GRID2: variants seen among roughly 807,000 people sequenced by gnomAD.
The protein encoded by GRID2 is glutamate receptor ionotropic, delta-2.
A neutral mutation model predicts 114.8 loss-of-function variants in GRID2; 33 were observed. That is an observed-to-expected ratio of 0.29 (90% CI 0.22 to 0.38). The LOEUF is 0.38. Among genes scored for constraint, GRID2 ranks in the 10% least tolerant of loss-of-function variants. The probability of loss-of-function intolerance (pLI) is 1.00; values close to 1 mark genes in which losing one functional copy is unlikely to be tolerated. For missense variants in GRID2, 1,184 were observed against 1,257.7 expected, an observed-to-expected ratio of 0.94 and a Z score of 0.89; for synonymous variants, 505 against 449.9, an observed-to-expected ratio of 1.12 and a Z score of -1.55.
chr4:92,987,978 T>G (rs905365443), intron 2 of GRID2, among the ~76,000 whole-genome samples: 10 of 152,210 alleles, frequency 6.6e-5, no homozygotes, highest in Admixed American at 2.6e-4. Flanking sequence ...CATATTGTGT[T>G]ACAGACTTAA....
intron 2 of GRID2, among the ~76,000 whole-genome samples, chr4:92,667,714 C>A (rs536025890): frequency 1.1e-3 from 161 of 151,472 alleles, no homozygotes; most frequent in African/African-American, 3.7e-3. Flanking sequence ...AAAAAAAATA[C>A]CCCCTAGAGT....
intron 14 of GRID2, among the ~76,000 whole-genome samples, chr4:93,678,458 T>C (rs1725146569): frequency 2.7e-5 from 4 of 150,198 alleles, no homozygotes; most frequent in Non-Finnish European, 5.9e-5. Flanking sequence ...GAAGAGCAAC[T>C]CCAAGACACA....
At chr4:92,789,426 T>A (rs1208663628) in intron 2 of GRID2, among the ~76,000 whole-genome samples, 1 of 152,024 alleles carries the variant, frequency 6.6e-6, no homozygotes, top group Admixed American at 6.6e-5. Flanking sequence ...GGGATTTCAG[T>A]TGGACACACG....
At chr4:92,612,709 G>A (rs1729815153) in intron 2 of GRID2, among the ~76,000 whole-genome samples, 1 of 151,266 alleles carries the variant, frequency 6.6e-6, no homozygotes, top group South Asian at 2.1e-4. Context: ...TTGATATTGT[G>A]AACGGAATCA....
intron 10 of GRID2, among the ~76,000 whole-genome samples, chr4:93,428,784 G>T (rs1375632884): frequency 1.3e-5 from 2 of 152,104 alleles, no homozygotes; most frequent in East Asian, 3.9e-4. Flanking sequence ...ATTATTTTAA[G>T]TTATCAATAT....
chr4:93,397,075 C>T (rs1765400192), intron 9 of GRID2, among the ~76,000 whole-genome samples: 1 of 151,884 alleles, frequency 6.6e-6, no homozygotes, highest in Admixed American at 6.6e-5. Context: ...TTTTATAACA[C>T]CAGTTGCTGC....
chr4:92,638,304 C>A (rs1333409613), intron 2 of GRID2, among the ~76,000 whole-genome samples: 1 of 151,476 alleles, frequency 6.6e-6, no homozygotes, highest in Admixed American at 6.6e-5. Flanking sequence ...TAACCAGAAA[C>A]CCAGCTTCCA....
intron 13 of GRID2, among the ~76,000 whole-genome samples, chr4:93,544,778 GA>G (rs11301946): frequency 0.34 from 40,353 of 117,014 alleles, 6,027 homozygotes; most frequent in African/African-American, 0.42. Flanking sequence ...ACTCCCTCTG[GA>G]AAAAAAAAAA....
chr4:93,663,721 G>A (rs906881918), intron 14 of GRID2, among the ~76,000 whole-genome samples: 1 of 152,040 alleles, frequency 6.6e-6, no homozygotes, highest in Non-Finnish European at 1.5e-5. Context: ...CTAGAAAAAC[G>A]TTTCTTCCAG....
At chr4:93,779,603 A>G (rs1252197687) in intron 1 of GRID2, among the ~76,000 whole-genome samples, 2 of 152,256 alleles carry the variant, frequency 1.3e-5, no homozygotes, top group Non-Finnish European at 2.9e-5. Flanking sequence ...AGAAGACATG[A>G]ATATAAATTA....
chr4:93,634,991 C>T (rs538979284), intron 14 of GRID2, among the ~76,000 whole-genome samples: 1 of 151,978 alleles, frequency 6.6e-6, no homozygotes. Context: ...TGTATTTCAT[C>T]ATTTTTAGAA....
At chr4:93,488,528 A>T (rs977866983) in intron 11 of GRID2, among the ~76,000 whole-genome samples, 10 of 151,974 alleles carry the variant, frequency 6.6e-5, no homozygotes, top group African/African-American at 2.4e-4. Context: ...TCATTCACGT[A>T]TTGATAGAAC....
chr4:92,881,335 C>T (rs766593119), intron 2 of GRID2, among the ~76,000 whole-genome samples: 1 of 152,154 alleles, frequency 6.6e-6, no homozygotes, highest in African/African-American at 2.4e-5. Flanking sequence ...TTTCATGATG[C>T]CATCTTCACC....
intron 14 of GRID2, among the ~76,000 whole-genome samples, chr4:93,755,244 G>C (rs903932568): frequency 6.6e-6 from 1 of 152,108 alleles, no homozygotes; most frequent in African/African-American, 2.4e-5. Context: ...AGCAGTTGGT[G>C]CTGCTGGTTG....
chr4:92,681,846 G>A (rs1250022492), intron 2 of GRID2, among the ~76,000 whole-genome samples: 2 of 151,950 alleles, frequency 1.3e-5, no homozygotes, highest in Non-Finnish European at 2.9e-5. Context: ...AAGGGTATAT[G>A]GTAAAGAAAT....
At chr4:92,452,647 G>GT (rs984198107) in intron 1 of GRID2, among the ~76,000 whole-genome samples, 1 of 151,838 alleles carries the variant, frequency 6.6e-6, no homozygotes, top group African/African-American at 2.4e-5. Context: ...TTTAATGTAA[G>GT]TTTTTTATGA....
chr4:93,590,760 A>C (rs889566387), intron 13 of GRID2, among the ~76,000 whole-genome samples: 3 of 151,974 alleles, frequency 2.0e-5, no homozygotes, highest in Admixed American at 2.0e-4. Flanking sequence ...CTCCTTGAAG[A>C]GGTCCTTCAC....
At chr4:93,015,830 A>C (rs1722639229) in intron 2 of GRID2, among the ~76,000 whole-genome samples, 1 of 152,138 alleles carries the variant, frequency 6.6e-6, no homozygotes, top group South Asian at 2.1e-4. Context: ...AGTAGCTACT[A>C]GATCAGTGTT....
rs548026136 is a variant in GRID2, at chr4:93,132,552, G to T, written c.735+21599G>T. On this transcript the variant is annotated intron_variant, in intron 4 of 15. Transcript: ENST00000282020. ...TGCTAATTTCCAAATTTTAACCTGGGCCCTTAAGGGATGGAATTGGCTTAC... is the reference window on the plus strand; with the variant it reads ...TGCTAATTTCCAAATTTTAACCTGGTCCCTTAAGGGATGGAATTGGCTTAC... 2.0e-5 allele frequency among the ~76,000 whole-genome samples: 3 copies of T among 152,258 alleles called. No homozygotes were observed. The South Asian group carries it at 6.2e-4, about 32-fold the overall frequency.
Sources: gnomAD v4.1 joint callset for allele counts (sites outside exome capture counted in the v4.1 genomes callset) on GRCh38, gnomAD v4.1.1 for gene constraint, MANE v1.5 for transcripts, NCBI Gene and HGNC (gene_info 2026-07-23, HGNC 2026-07-21) for gene names.